CTNNA2: variants seen among roughly 807,000 people sequenced by gnomAD.
The protein encoded by CTNNA2 is catenin alpha 2, also known as catenin alpha-2.
CTNNA2 carries 42 observed loss-of-function variants against 101.0 expected under a neutral mutation model. The ratio of observed to expected loss-of-function variants is 0.42; its 90% confidence interval spans 0.32 to 0.54. The LOEUF is 0.54. Among genes scored for constraint, CTNNA2 ranks in the 20% least tolerant of loss-of-function variants. CTNNA2 has a pLI of 0.14. For missense variants in CTNNA2, 871 were observed against 1,223.1 expected (o/e 0.71, Z 4.29); for synonymous variants, 450 against 456.4 (o/e 0.99, Z 0.18).
At chr2:79,418,702 A>G (rs1678509364) in intron 4 of CTNNA2, among the ~76,000 whole-genome samples, 1 of 152,078 alleles carries the variant, frequency 6.6e-6, no homozygotes, top group Admixed American at 6.6e-5. Flanking sequence ...GTGAAGATTA[A>G]AGAAGGCACT....
intron 4 of CTNNA2, among the ~76,000 whole-genome samples, chr2:79,456,514 T>C (rs1427928003): frequency 6.6e-6 from 1 of 152,250 alleles, no homozygotes; most frequent in Non-Finnish European, 1.5e-5. Context: ...TTTGGTGCTG[T>C]ATTAAAATAG....
At chr2:80,334,599 T>C (rs1559018358) in intron 7 of CTNNA2, among the ~76,000 whole-genome samples, 1 of 152,202 alleles carries the variant, frequency 6.6e-6, no homozygotes, top group Non-Finnish European at 1.5e-5. Context: ...CATCCCACAC[T>C]CTTTCTAACA....
chr2:80,234,698 A>G (rs1709451115), intron 7 of CTNNA2, among the ~76,000 whole-genome samples: 1 of 152,148 alleles, frequency 6.6e-6, no homozygotes, highest in Non-Finnish European at 1.5e-5. Context: ...AGGATTGAGT[A>G]TGTAGATCAG....
At chr2:80,425,257 C>T (rs1279486206) in intron 9 of CTNNA2, among the ~76,000 whole-genome samples, 1 of 152,088 alleles carries the variant, frequency 6.6e-6, no homozygotes, top group African/African-American at 2.4e-5. Context: ...TAGGCTACTC[C>T]GTCATGTCAA....
At chr2:80,290,606 T>C (rs1675152094) in intron 7 of CTNNA2, among the ~76,000 whole-genome samples, 1 of 152,098 alleles carries the variant, frequency 6.6e-6, no homozygotes, top group Admixed American at 6.6e-5. Flanking sequence ...ACATTTTTTT[T>C]CCTAATTACT....
rs190932127 is a variant in CTNNA2 at position 80,321,324 on chromosome 2, T to C, written c.1057-71887T>C. ...ATTTTCTATCGTAGGGAGATGGCAC[T>C]AGGAAAAGGGTATTAAGATCCAGGC... On this transcript the variant is annotated intron_variant, in intron 7 of 18. Transcript: ENST00000402739. Among the ~76,000 whole-genome samples the C allele has an allele frequency of 5.8e-3, 880 of 152,246 alleles. 32 individuals carry two copies. The highest frequency in any genetic ancestry group is 0.015 in the South Asian group (74 of 4,820).
chr2:80,095,236 C>T (rs1357760096), intron 7 of CTNNA2, among the ~76,000 whole-genome samples: 1 of 152,106 alleles, frequency 6.6e-6, no homozygotes, highest in Non-Finnish European at 1.5e-5. Flanking sequence ...TTGTCAAAGG[C>T]CTTTTCTGCA....
intron 4 of CTNNA2, among the ~76,000 whole-genome samples, chr2:79,437,840 T>C (rs894911096): frequency 6.6e-6 from 1 of 152,180 alleles, no homozygotes; most frequent in Non-Finnish European, 1.5e-5. Context: ...CTGCTCTTTG[T>C]TCCAGCGCTG....
chr2:80,143,720 C>T (rs1417102461), intron 7 of CTNNA2, among the ~76,000 whole-genome samples: 1 of 152,112 alleles, frequency 6.6e-6, no homozygotes, highest in Non-Finnish European at 1.5e-5. Flanking sequence ...GCTAAAGCAG[C>T]CCTAAGTGTA....
chr2:79,962,356 G>A (rs1303413711), intron 7 of CTNNA2, among the ~76,000 whole-genome samples: 1 of 152,188 alleles, frequency 6.6e-6, no homozygotes, highest in Non-Finnish European at 1.5e-5. Flanking sequence ...GCATCTAATC[G>A]TATTATTCAT....
At chr2:79,562,923 GAA>G (rs1674872288) in intron 1 of CTNNA2, among the ~76,000 whole-genome samples, 1 of 151,768 alleles carries the variant, frequency 6.6e-6, no homozygotes, top group Non-Finnish European at 1.5e-5. Context: ...GATAAAGAGA[GAA>G]AAGAATACTA....
chr2:80,022,650 G>T (rs75670460), intron 7 of CTNNA2, among the ~76,000 whole-genome samples: 1 of 152,052 alleles, frequency 6.6e-6, no homozygotes, highest in African/African-American at 2.4e-5. Context: ...AGAGACATGG[G>T]GGAAGGAGTG....
At chr2:80,523,721 G>GCTAA (rs2149579533) in intron 9 of CTNNA2, among the ~76,000 whole-genome samples, 1 of 152,280 alleles carries the variant, frequency 6.6e-6, no homozygotes, top group South Asian at 2.1e-4. Flanking sequence ...TATATTTCAT[G>GCTAA]CTAAGGTTAA....
chr2:79,835,666 G>GTTTTTTTTTTTTTTTTTTTTT (rs70940048), intron 3 of CTNNA2, among the ~76,000 whole-genome samples: 1 of 58,634 alleles, frequency 1.7e-5, no homozygotes, highest in African/African-American at 7.3e-5. Flanking sequence ...GCCTCTCTTT[G>GTTTTTTTTTTTTTTTTTTTTT]TTTTTTTTTT....
chr2:79,967,118 G>GTT (rs1690128924), intron 7 of CTNNA2, among the ~76,000 whole-genome samples: 1 of 1,188 alleles, frequency 8.4e-4, no homozygotes, highest in South Asian at 0.1. Flanking sequence ...GCGCACGCAC[G>GTT]TGTGTGTGTG....
chr2:79,585,096 C>T (rs893865296), intron 1 of CTNNA2, among the ~76,000 whole-genome samples: 1 of 151,926 alleles, frequency 6.6e-6, no homozygotes, highest in Non-Finnish European at 1.5e-5. Context: ...TTTTTTGGTT[C>T]CTGCTATAAG....
intron 1 of CTNNA2, among the ~76,000 whole-genome samples, chr2:79,543,389 T>G (rs1018661540): frequency 2.6e-5 from 4 of 152,204 alleles, no homozygotes; most frequent in African/African-American, 9.6e-5. Context: ...TGTTGTACCT[T>G]TCTTCTTAAG....
chr2:80,027,312 C>T (rs925864149), intron 7 of CTNNA2, among the ~76,000 whole-genome samples: 6 of 152,108 alleles, frequency 3.9e-5, no homozygotes, highest in East Asian at 1.9e-4. Context: ...ACAAAAAAAC[C>T]GCATGGTTGA....
intron 7 of CTNNA2, among the ~76,000 whole-genome samples, chr2:80,105,025 T>C (rs1031442): frequency 0.22 from 34,061 of 152,090 alleles, 4,545 homozygotes; most frequent in East Asian, 0.54. Flanking sequence ...AGTTTTACAG[T>C]TTTGCTACTG....
Sources: allele counts gnomAD v4.1 joint callset (sites outside exome capture counted in the v4.1 genomes callset), GRCh38; gene constraint gnomAD v4.1.1; transcripts MANE v1.5; gene names NCBI Gene and HGNC (gene_info 2026-07-23, HGNC 2026-07-21).